LDLRAP1: variants seen among roughly 807,000 people sequenced by gnomAD.
LDLRAP1 encodes the protein low density lipoprotein receptor adapter protein 1.
LDLRAP1 carries 30 observed loss-of-function variants against 37.8 expected under a neutral mutation model. The observed-to-expected ratio is 0.79, with a 90% confidence interval of 0.59 to 1.08. The LOEUF is 1.08. Among genes scored for constraint, LDLRAP1 ranks in the 50% least tolerant of loss-of-function variants. LDLRAP1 has a pLI of 0.00. For synonymous variants in LDLRAP1, 156 were observed against 169.8 expected (o/e 0.92, Z 0.63); for missense variants, 375 against 401.6 (o/e 0.93, Z 0.57).
the LDLRAP1 span, among the ~76,000 whole-genome samples, chr1:25,580,563 G>A: frequency 3.9e-5 from 6 of 152,080 alleles, no homozygotes; most frequent in African/African-American, 1.4e-4. Flanking sequence ...GCTGAAGTGC[G>A]GTGGCACAAT....
At chr1:25,562,581 G>A (rs183849815) in intron 4 of LDLRAP1, 63 bp from the exon 5 acceptor site, 2 of 1,440,674 alleles carry the variant, frequency 1.4e-6, no homozygotes, top group Middle Eastern at 1.8e-4. Flanking sequence ...CAGCCCTCCA[G>A]TGCAGACTTG....
intron 7 of LDLRAP1, chr1:25,564,933 G>T (rs540624776): frequency 4.8e-4 from 262 of 544,760 alleles, no homozygotes; most frequent in South Asian, 2.2e-3. Context: ...AACCCACCTG[G>T]GTCTCCAGAC....
chr1:25,558,850 G>T (rs190293542), intron 4 of LDLRAP1, among the ~76,000 whole-genome samples: 22 of 152,302 alleles, frequency 1.4e-4, no homozygotes, highest in African/African-American at 4.3e-4. Context: ...CATCTTGGGG[G>T]CGGACACACG....
the LDLRAP1 span, among the ~76,000 whole-genome samples, chr1:25,581,187 A>G: frequency 2.0e-5 from 3 of 152,062 alleles, no homozygotes; most frequent in Non-Finnish European, 4.4e-5. Flanking sequence ...GCCTCAGCAC[A>G]TGGGCATTCT....
rs2044186339 is a variant in LDLRAP1, at chr1:25,555,906, A to G, written c.344+934A>G. On this transcript the variant is annotated intron_variant, in intron 3 of 8. Coordinates refer to ENST00000374338, the MANE Select transcript of LDLRAP1 (RefSeq NM_015627.3). The surrounding 1 kb of genome is among the most constrained non-coding windows in gnomAD (Gnocchi z 4.7). The stretch of plus-strand genomic sequence containing the variant: ...GGGTATAGTCGGGAGGAAACAGGAG[A>G]TAGAGCATAGTGTTCCAAAAAGGCA... Among the ~76,000 whole-genome samples, 1 of 152,146 alleles carries G rather than the reference A, an allele frequency of 6.6e-6. No homozygotes were observed. The highest frequency in any genetic ancestry group is 2.1e-4 in the South Asian group (1 of 4,830).
chr1:25,567,143 G>T lies in LDLRAP1; in HGVS notation c.*151G>T. Reference sequence around the variant, plus strand: ...ATCAGAGCTGCAGCCAGTCAGGCAGGGGAGAGATTTTTCTTTTAAGCCCTG... The same window carrying T: ...ATCAGAGCTGCAGCCAGTCAGGCAGTGGAGAGATTTTTCTTTTAAGCCCTG... On this transcript the variant is annotated 3_prime_UTR_variant, in exon 9 of 9. Transcript: ENST00000374338. 2 of 951,778 alleles carry T rather than the reference G, an allele frequency of 2.1e-6. No homozygotes were observed. Among genetic ancestry groups the T allele is most frequent in the Middle Eastern group, 3.2e-4 (1 of 3,154 alleles). The allele number at this position is 951,778 out of a possible 1,614,324, so 59.0% of individuals were successfully genotyped here. A position where few individuals can be genotyped will look rare whatever the true frequency, so the allele number is the denominator to read the frequency against.
chr1:25,570,068 C>T (rs2044582677), downstream of LDLRAP1, among the ~76,000 whole-genome samples: 1 of 152,206 alleles, frequency 6.6e-6, no homozygotes, highest in Non-Finnish European at 1.5e-5. Context: ...GGACATGTAT[C>T]TCTTTATCCC....
the LDLRAP1 span, chr1:25,581,905 C>CT: frequency 6.6e-6 from 1 of 152,342 alleles, no homozygotes; most frequent in Admixed American, 6.5e-5. Context: ...GGAAGCGCCT[C>CT]TGTTGTTCTG....
rs121908324 is a variant in LDLRAP1, at chr1:25,543,763, G to T, written c.65G>T (p.Trp22Leu). The T allele has an allele frequency of 1.5e-5, 18 of 1,208,548 alleles. No individual in the cohort carries two copies. Among genetic ancestry groups the T allele is most frequent in the Admixed American group, 8.8e-5 (2 of 22,838 alleles). 74.9% of individuals were successfully genotyped at this position (1,208,548 alleles called of 1,614,324 possible). A position where few individuals can be genotyped will look rare whatever the true frequency, so the allele number is the denominator to read the frequency against. Reference sequence around the variant, plus strand: ...AGCCCCAGCTTGGCCAAGCAGAGCTGGGGGGGCGGTGGCCGGCACCGCAGT... The same window carrying T: ...AGCCCCAGCTTGGCCAAGCAGAGCTTGGGGGGCGGTGGCCGGCACCGCAGT... ...IRSPSLAKQS[W>L]GGGGRHRKLP... Residue 22 changes from tryptophan (W) to leucine (L), a missense_variant, in exon 1 of 9, where the codon TGG becomes TTG. Physicochemically the swap from Trp to Leu is moderately conservative, Grantham distance 61. Coordinates refer to ENST00000374338, the MANE Select transcript of LDLRAP1 (RefSeq NM_015627.3).
At position 25,566,928 on chromosome 1, in the gene LDLRAP1, C is replaced by T. The variant is rs753151497; in HGVS notation, c.863C>T (p.Ser288Leu). 1.7e-5 allele frequency: 28 copies of T among 1,613,452 alleles called. No homozygotes were observed. In the Admixed American group the frequency reaches 1.8e-4, roughly 11 times the overall value. Residue 288 changes from serine (S) to leucine (L), a missense_variant, in exon 9 of 9, where the codon TCG (serine) becomes TTG (leucine). Physicochemically the swap from Ser to Leu is moderately radical, Grantham distance 145. Coordinates refer to ENST00000374338, the MANE Select transcript of LDLRAP1 (RefSeq NM_015627.3). ...GACATGCATTACGCCCAGTGCCTCT[C>T]GCCTGTCGACTGGGACAAGCCTGAC... is the stretch of plus-strand genomic sequence containing the variant. Reference protein sequence around the residue: ...AQDMHYAQCLSPVDWDKPDSS... With the variant: ...AQDMHYAQCLLPVDWDKPDSS...
At position 25,566,876 on chromosome 1, in the gene LDLRAP1, G is replaced by T. The variant is rs367832795; in HGVS notation, c.811G>T (p.Val271Phe). ...RLAQSRTNPQ[V>F]LDTGLTAQDM... is the part of the protein sequence containing the mutation. Reference sequence around the variant, plus strand: ...TGCCCAGTCTCGGACAAACCCTCAGGTCCTGGACACTGGCCTGACAGCCCA... The same window carrying T: ...TGCCCAGTCTCGGACAAACCCTCAGTTCCTGGACACTGGCCTGACAGCCCA... Residue 271 changes from valine (V) to phenylalanine (F), a missense_variant, in exon 9 of 9, where the codon GTC (valine) becomes TTC (phenylalanine). Coordinates refer to ENST00000374338, the MANE Select transcript of LDLRAP1 (RefSeq NM_015627.3). 1 of 1,612,308 alleles carries T rather than the reference G, an allele frequency of 6.2e-7. No homozygotes were observed. The highest frequency in any genetic ancestry group is 1.3e-5 in the African/African-American group (1 of 74,892).
At position 25,557,238 on chromosome 1, in the gene LDLRAP1, C is replaced by CA. The variant is rs750383461; in HGVS notation, c.431dup (p.His144GlnfsTer27). 6.8e-6 allele frequency: 11 copies of CA among 1,613,964 alleles called. 1 individual carries two copies. Among genetic ancestry groups the CA allele is most frequent in the Non-Finnish European group, 9.3e-6 (11 of 1,179,956 alleles). ...CCAGCACAACCAGAGCCTCGAGTGC[C>CA]ACGCCTTCCTCTGCACCAAGCGGAA... On this transcript the variant is annotated frameshift_variant, in exon 4 of 9. Transcript: ENST00000374338. LOFTEE classifies it high-confidence loss of function.
chr1:25,557,190 G>T lies in LDLRAP1; in HGVS notation c.382G>T (p.Val128Leu). 1 of 1,614,174 alleles carries T rather than the reference G, an allele frequency of 6.2e-7. No individual in the cohort carries two copies. Among genetic ancestry groups the T allele is most frequent in the Non-Finnish European group, 8.5e-7 (1 of 1,180,014 alleles). Reference sequence around the variant, plus strand: ...CACAGCAGACAAGATGCACGACAAGGTGTTTGCATACATCGCCCAGAGCCA... The same window carrying T: ...CACAGCAGACAAGATGCACGACAAGTTGTTTGCATACATCGCCCAGAGCCA... The part of the protein sequence containing the change: ...YCTADKMHDK[V>L]FAYIAQSQHN... The change falls in exon 4 of 9, where the codon GTG (valine) becomes TTG (leucine). Residue 128 changes from valine (V) to leucine (L), a missense_variant. Coordinates refer to ENST00000374338, the MANE Select transcript of LDLRAP1 (RefSeq NM_015627.3).
At chr1:25,569,466 G>C (rs1473883562), downstream of LDLRAP1, among the ~76,000 whole-genome samples, 1 of 152,050 alleles carries the variant, frequency 6.6e-6, no homozygotes, top group Non-Finnish European at 1.5e-5. Context: ...CTGCCACTTG[G>C]AGGCTGTGAC....
In LDLRAP1 at chr1:25,567,970, G is replaced by A. The variant is rs1341013891; in HGVS notation, c.*978G>A. ...AATATTCTATGACCACTTTACAGAT[G>A]AGGAAACAGGCCTCAAGCGTGGAGG... On this transcript the variant is annotated 3_prime_UTR_variant, in exon 9 of 9. Transcript: ENST00000374338. 7.8e-4 allele frequency: 2 copies of A among 2,556 alleles called. No homozygotes were observed. The highest frequency in any genetic ancestry group is 0.02 in the Non-Finnish European group (2 of 98). The allele number at this position is 2,556 out of a possible 1,614,324, so 0.2% of individuals were successfully genotyped here.
intron 3 of LDLRAP1, among the ~76,000 whole-genome samples, chr1:25,556,301 A>G (rs1409324152): frequency 1.3e-5 from 2 of 152,064 alleles, no homozygotes; most frequent in Admixed American, 1.3e-4. Context: ...GGGACCAGAC[A>G]AGTGAGGGAG....
At position 25,564,849 on chromosome 1, in the gene LDLRAP1, G is replaced by C. The variant is rs555202312; in HGVS notation, c.748-324G>C. On this transcript the variant is annotated intron_variant, in intron 7 of 8. Coordinates refer to ENST00000374338, the MANE Select transcript of LDLRAP1 (RefSeq NM_015627.3). ...GTCCAATGCCCTCCTCTTATTGAAGGAAAAGCTGAGTTTCAACGTGGAGCA... is the reference window on the plus strand; with the variant it reads ...GTCCAATGCCCTCCTCTTATTGAAGCAAAAGCTGAGTTTCAACGTGGAGCA... 7 of 366,988 alleles carry C rather than the reference G, an allele frequency of 1.9e-5. No individual in the cohort carries two copies. The South Asian group carries it at 2.0e-4, about 11-fold the overall frequency. 22.7% of individuals were successfully genotyped at this position (366,988 alleles called of 1,614,324 possible).
At position 25,544,720 on chromosome 1, in the gene LDLRAP1, C is replaced by T. The variant is rs1431140652; in HGVS notation, c.88+934C>T. Reference sequence around the variant, plus strand: ...TGGGAGGGAGAAGAGAGTGGCTTGCCTGGGGTCACACACACCTTCCTGCTG... The same window carrying T: ...TGGGAGGGAGAAGAGAGTGGCTTGCTTGGGGTCACACACACCTTCCTGCTG... On this transcript the variant is annotated intron_variant, in intron 1 of 8. Coordinates refer to ENST00000374338, the MANE Select transcript of LDLRAP1 (RefSeq NM_015627.3). The surrounding 1 kb of genome is among the most constrained non-coding windows in gnomAD (Gnocchi z 4.8). 6.6e-6 allele frequency among the ~76,000 whole-genome samples: 1 copy of T among 152,202 alleles called. No homozygotes were observed. The highest frequency in any genetic ancestry group is 1.5e-5 in the Non-Finnish European group (1 of 68,038).
At chr1:25,585,833 C>A in the LDLRAP1 span, among the ~76,000 whole-genome samples, 1 of 152,220 alleles carries the variant, frequency 6.6e-6, no homozygotes, top group Non-Finnish European at 1.5e-5. Context: ...ACAAAGGAGG[C>A]CTGATTGGCA....
Sources: gnomAD v4.1 joint callset for allele counts (sites outside exome capture counted in the v4.1 genomes callset) on GRCh38, gnomAD v4.1.1 for gene constraint, Gnocchi (gnomAD v3.1) non-coding constraint, MANE v1.5 for transcripts, NCBI Gene and HGNC (gene_info 2026-07-23, HGNC 2026-07-21) for gene names.